Variants in NCAM1 observed in about 807,000 individuals in gnomAD.
NCAM1 encodes the protein antigen recognized by monoclonal antibody 5.1H11.
NCAM1 carries 14 observed loss-of-function variants against 109.8 expected under a neutral mutation model. That is an observed-to-expected ratio of 0.13 (90% CI 0.08 to 0.20). The LOEUF is 0.20. Ranked by LOEUF, NCAM1 falls within the 10% of genes least tolerant of loss-of-function variation. The pLI is 1.00. For synonymous variants in NCAM1, 418 were observed against 442.9 expected (o/e 0.94, Z 0.70); for missense variants, 774 against 1,109.9 (o/e 0.70, Z 4.30).
intron 1 of NCAM1, among the ~76,000 whole-genome samples, chr11:113,157,670 A>G (rs1942463852): frequency 6.6e-6 from 1 of 152,166 alleles, no homozygotes; most frequent in Non-Finnish European, 1.5e-5. Flanking sequence ...AAAAACTTAA[A>G]TATTTATTTA....
intron 1 of NCAM1, among the ~76,000 whole-genome samples, chr11:113,040,286 C>A (rs1309558877): frequency 6.6e-6 from 1 of 152,106 alleles, no homozygotes; most frequent in African/African-American, 2.4e-5. Flanking sequence ...TCCAAGTGTA[C>A]CCTGGTCGCA....
intron 14 of NCAM1, among the ~76,000 whole-genome samples, chr11:113,239,449 G>A (rs1290062348): frequency 5.4e-5 from 8 of 148,956 alleles, no homozygotes; most frequent in African/African-American, 1.7e-4. Flanking sequence ...GTACCATGAA[G>A]CAAAATAGAT....
rs530391617 is a variant in NCAM1 at position 113,139,131 on chromosome 11, A to G, written c.53-63248A>G. Among the ~76,000 whole-genome samples the G allele has an allele frequency of 2.5e-4, 38 of 152,322 alleles. No homozygotes were observed. The South Asian group carries it at 5.4e-3, about 22-fold the overall frequency. On this transcript the variant is annotated intron_variant, in intron 1 of 19. Coordinates refer to ENST00000316851, the MANE Select transcript of NCAM1 (RefSeq NM_181351.5). ...AAACAGACTGCCTTGCTTGCTTGCAATGTTGCTTGGATAGATCTTATCTTC... is the reference window on the plus strand; with the variant it reads ...AAACAGACTGCCTTGCTTGCTTGCAGTGTTGCTTGGATAGATCTTATCTTC...
rs144109779 is a variant in NCAM1 at position 113,239,874 on chromosome 11, T to C, written c.1825+4710T>C. ...TAAAGGAAGACAAAACCATGAGTAT[T>C]AGATATTAAGGCAGTGGCGGAGATA... On this transcript the variant is annotated intron_variant, in intron 14 of 19. Coordinates refer to ENST00000316851, the MANE Select transcript of NCAM1 (RefSeq NM_181351.5). 3.3e-5 allele frequency among the ~76,000 whole-genome samples: 5 copies of C among 152,312 alleles called. No homozygotes were observed. In the East Asian group the frequency reaches 9.6e-4, roughly 29 times the overall value.
In NCAM1 at chr11:113,232,333, C is replaced by T. The variant is rs1452534564; in HGVS notation, c.1404C>T (p.Thr468=). The change falls in exon 11 of 20, where the codon ACC becomes ACT. Residue 468 remains threonine, a synonymous_variant. Coordinates refer to ENST00000316851, the MANE Select transcript of NCAM1 (RefSeq NM_181351.5). ...SNYSNIKIYN[T]PSASYLEVTP... ...ACAGCAATATCAAGATCTACAACAC[C>T]CCCTCTGCCAGCTATCTGGAGGTGA... The T allele has an allele frequency of 1.9e-6, 3 of 1,611,358 alleles. No individual in the cohort carries two copies. The highest frequency in any genetic ancestry group is 2.5e-6 in the Non-Finnish European group (3 of 1,178,500).
At chr11:113,163,373 T>C (rs549677661) in intron 1 of NCAM1, among the ~76,000 whole-genome samples, 116 of 152,360 alleles carry the variant, frequency 7.6e-4, no homozygotes, top group Admixed American at 2.5e-3. Context: ...TTAATGCCTT[T>C]GTTATAATAA....
intron 1 of NCAM1, among the ~76,000 whole-genome samples, chr11:113,197,645 C>T (rs1360626136): frequency 6.6e-6 from 1 of 152,146 alleles, no homozygotes; most frequent in African/African-American, 2.4e-5. Flanking sequence ...TCCTCAGCCT[C>T]CAGTGACTTT....
At chr11:113,074,059 A>C (rs1938415823) in intron 1 of NCAM1, among the ~76,000 whole-genome samples, 1 of 152,216 alleles carries the variant, frequency 6.6e-6, no homozygotes, top group South Asian at 2.1e-4. Context: ...GTGTGGAAGT[A>C]ATAATAGTAT....
chr11:113,198,243 C>G (rs1355190041), intron 1 of NCAM1, among the ~76,000 whole-genome samples: 2 of 152,166 alleles, frequency 1.3e-5, no homozygotes, highest in Non-Finnish European at 2.9e-5. Context: ...CTATCATTAT[C>G]ATCACTTATG....
At chr11:113,261,031 GAGA>G (rs1307436675) in intron 17 of NCAM1, among the ~76,000 whole-genome samples, 3 of 152,174 alleles carry the variant, frequency 2.0e-5, no homozygotes, top group Admixed American at 6.5e-5. Context: ...AAATCCCTCA[GAGA>G]AGAAGGAGCT....
chr11:113,138,640 A>G (rs147426154), intron 1 of NCAM1, among the ~76,000 whole-genome samples: 175 of 152,282 alleles, frequency 1.1e-3, no homozygotes, highest in African/African-American at 4.0e-3. Flanking sequence ...CCTTTCCCAA[A>G]TTTATTGCAT....
intron 1 of NCAM1, among the ~76,000 whole-genome samples, chr11:113,075,558 G>A (rs1014742763): frequency 7.2e-5 from 11 of 152,078 alleles, no homozygotes; most frequent in African/African-American, 2.4e-4. Flanking sequence ...TCACTAGCTG[G>A]GGTCTTTAGA....
At chr11:113,247,171 G>A (rs918306267) in intron 15 of NCAM1, among the ~76,000 whole-genome samples, 2 of 152,108 alleles carry the variant, frequency 1.3e-5, no homozygotes, top group Admixed American at 6.5e-5. Flanking sequence ...AACATTTCTC[G>A]CTTACCAGAA....
intron 1 of NCAM1, among the ~76,000 whole-genome samples, chr11:113,031,643 G>C (rs1157808237): frequency 1.3e-5 from 2 of 151,752 alleles, no homozygotes; most frequent in Non-Finnish European, 2.9e-5. Flanking sequence ...AGTGAGCTGA[G>C]ATTGTGCCAC....
chr11:113,053,160 T>A (rs1953570452), intron 1 of NCAM1, among the ~76,000 whole-genome samples: 1 of 152,196 alleles, frequency 6.6e-6, no homozygotes, highest in African/African-American at 2.4e-5. Flanking sequence ...ATGCGGTGTT[T>A]GGTTTTCTGT....
At chr11:113,126,894 C>T (rs1167507152) in intron 1 of NCAM1, among the ~76,000 whole-genome samples, 1 of 152,208 alleles carries the variant, frequency 6.6e-6, no homozygotes, top group Admixed American at 6.5e-5. Flanking sequence ...ACCACACCTC[C>T]TAACAGTGTG....
intron 1 of NCAM1, among the ~76,000 whole-genome samples, chr11:113,109,272 C>T (rs989038825): frequency 1.0e-4 from 15 of 148,800 alleles, no homozygotes; most frequent in African/African-American, 3.2e-4. Flanking sequence ...TGCTTAAACC[C>T]GGGAGGCGGA....
intron 1 of NCAM1, among the ~76,000 whole-genome samples, chr11:113,027,527 T>C (rs1418762498): frequency 3.3e-5 from 5 of 152,204 alleles, no homozygotes; most frequent in African/African-American, 1.2e-4. Flanking sequence ...TTAGTTCTTA[T>C]AATCACTGTT....
intron 1 of NCAM1, among the ~76,000 whole-genome samples, chr11:113,196,722 T>C (rs1943865358): frequency 6.6e-6 from 1 of 152,214 alleles, no homozygotes; most frequent in Non-Finnish European, 1.5e-5. Context: ...ACTCAGGTAG[T>C]CTGGGCTGGT....
Sources: allele counts gnomAD v4.1 joint callset (sites outside exome capture counted in the v4.1 genomes callset), GRCh38; gene constraint gnomAD v4.1.1; transcripts MANE v1.5; gene names NCBI Gene and HGNC (gene_info 2026-07-23, HGNC 2026-07-21).